Variants in PDE10A observed in about 807,000 individuals in gnomAD.
PDE10A encodes the protein cAMP and cAMP-inhibited cGMP 3',5'-cyclic phosphodiesterase 10A.
A neutral mutation model predicts 97.7 loss-of-function variants in PDE10A; 39 were observed. The observed-to-expected ratio is 0.40, with a 90% CI of 0.31 to 0.52. The LOEUF (loss-of-function observed/expected upper bound fraction) is 0.52, where lower values mean the gene tolerates loss of function less well. Ranked by LOEUF, PDE10A falls within the 20% of genes least tolerant of loss-of-function variation. PDE10A has a pLI of 0.56. For missense variants in PDE10A, 731 were observed against 1,047.8 expected (o/e 0.70, Z 4.17); for synonymous variants, 371 against 376.8 (o/e 0.98, Z 0.18).
chr6:165,471,176 G>C (rs1778979111), intron 3 of PDE10A, among the ~76,000 whole-genome samples: 1 of 152,022 alleles, frequency 6.6e-6, no homozygotes, highest in Admixed American at 6.5e-5. Flanking sequence ...ATAGTTGATT[G>C]CTCTATTTTA....
chr6:165,662,933 G>C lies in PDE10A; in HGVS notation c.-122C>G, dbSNP rs1790366867. 6.6e-6 allele frequency among the ~76,000 whole-genome samples: 1 copy of C among 151,190 alleles called. No homozygotes were observed. The highest frequency in any genetic ancestry group is 1.5e-5 in the Non-Finnish European group (1 of 67,698). ...CTGCCGGCCGCCCGAACCGCTGCCT[G>C]GTCCTCCTCTCCGGTCTTCGGCTTC... On this transcript the variant is annotated 5_prime_UTR_variant, in exon 1 of 22. Coordinates refer to ENST00000539869, the MANE Select transcript of PDE10A (RefSeq NM_001385079.1).
At chr6:165,484,689 C>T (rs919282766) in intron 2 of PDE10A, among the ~76,000 whole-genome samples, 1 of 152,218 alleles carries the variant, frequency 6.6e-6, no homozygotes, top group Non-Finnish European at 1.5e-5. Flanking sequence ...GGGCAAGTGA[C>T]AAGCTGCATC....
intron 3 of PDE10A, among the ~76,000 whole-genome samples, chr6:165,480,189 T>C (rs1216394372): frequency 6.6e-6 from 1 of 152,200 alleles, no homozygotes; most frequent in Non-Finnish European, 1.5e-5. Context: ...ACATAATCCC[T>C]ATACTCAAAG....
chr6:165,417,552 G>A (rs190549280), intron 11 of PDE10A, among the ~76,000 whole-genome samples: 24 of 152,210 alleles, frequency 1.6e-4, no homozygotes, highest in Non-Finnish European at 1.0e-4. Context: ...AACAGTGTTA[G>A]GAAACACTCA....
At chr6:165,475,031 C>A (rs1023807475) in intron 3 of PDE10A, among the ~76,000 whole-genome samples, 7 of 152,166 alleles carry the variant, frequency 4.6e-5, no homozygotes, top group African/African-American at 1.4e-4. Context: ...TGCTACTCCA[C>A]ACATCTGCCA....
intron 1 of PDE10A, among the ~76,000 whole-genome samples, chr6:165,672,573 C>A (rs1035262577): frequency 1.3e-5 from 2 of 152,152 alleles, no homozygotes; most frequent in Admixed American, 1.3e-4. Flanking sequence ...TGGGAGCCAC[C>A]CAGTGGGAGA....
chr6:165,978,114 C>A (rs1316030625), intron 1 of PDE10A, among the ~76,000 whole-genome samples: 1 of 152,146 alleles, frequency 6.6e-6, no homozygotes, highest in Non-Finnish European at 1.5e-5. Flanking sequence ...CACAGGAAGC[C>A]TTCTGGAATG....
At chr6:165,341,141 G>A (rs1162677427) in intron 19 of PDE10A, among the ~76,000 whole-genome samples, 1 of 152,136 alleles carries the variant, frequency 6.6e-6, no homozygotes, top group South Asian at 2.1e-4. Context: ...AGAAGAGACA[G>A]GACTTTATAG....
intron 1 of PDE10A, chr6:165,949,198 G>C (rs1783874352): frequency 6.6e-6 from 1 of 152,186 alleles, no homozygotes; most frequent in Non-Finnish European, 1.5e-5. Context: ...TAAACATCAC[G>C]ATTAAGCCAT....
Position 165,395,195 on chromosome 6 carries a change from G to T in PDE10A, c.2289C>A (p.Ser763=), listed in dbSNP as rs61733391. ...GTCATTCATACCAGGATGTCCCACA[G>T]GACCGATGAACCATGTAGACAAAAA... ...PGIFVYMVHR[S]CGTSCFELEK... Residue 763 remains serine (S), a synonymous_variant, in exon 15 of 22, where the codon TCC becomes TCA. Coordinates refer to ENST00000539869, the MANE Select transcript of PDE10A (RefSeq NM_001385079.1). The T allele has an allele frequency of 1.4e-3, 2,268 of 1,611,420 alleles. 23 individuals carry two copies. In the African/African-American group the frequency reaches 0.027, roughly 20 times the overall value.
intron 1 of PDE10A, among the ~76,000 whole-genome samples, chr6:165,543,816 T>C (rs1231420852): frequency 6.6e-6 from 1 of 150,452 alleles, no homozygotes; most frequent in African/African-American, 2.5e-5. Flanking sequence ...TGCCACTAAA[T>C]TGTACGCTTA....
At position 165,700,815 on chromosome 6, in the gene PDE10A, CT is replaced by C. The variant is rs370140489; in HGVS notation, c.-614-157248del. Among the ~76,000 whole-genome samples, 47 of 152,308 alleles carry C rather than the reference CT, an allele frequency of 3.1e-4. No homozygotes were observed. In the East Asian group the frequency reaches 4.8e-3, roughly 16 times the overall value. On this transcript the variant is annotated intron_variant, in intron 1 of 19. Coordinates refer to the PDE10A transcript ENST00000366882. Reference sequence around the variant, plus strand: ...AAGTTGACACTTAACATTTATGTGACTTTTTGTCTCAGATCTGGGATGAAGT... The same window carrying C: ...AAGTTGACACTTAACATTTATGTGACTTTTGTCTCAGATCTGGGATGAAGT...
intron 1 of PDE10A, among the ~76,000 whole-genome samples, chr6:165,771,071 G>A (rs1269918924): frequency 6.6e-6 from 1 of 152,164 alleles, no homozygotes; most frequent in Non-Finnish European, 1.5e-5. Context: ...GGCTTTCAGG[G>A]CAGAGCCCAT....
intron 1 of PDE10A, among the ~76,000 whole-genome samples, chr6:165,659,901 C>G (rs1006400181): frequency 3.3e-5 from 5 of 152,190 alleles, no homozygotes; most frequent in Non-Finnish European, 7.3e-5. Context: ...AACACACGAG[C>G]CAACAGCAGT....
At chr6:165,908,596 C>G (rs563243895) in intron 1 of PDE10A, among the ~76,000 whole-genome samples, 3 of 152,316 alleles carry the variant, frequency 2.0e-5, no homozygotes, top group East Asian at 3.9e-4. Context: ...CTAGTGAAGG[C>G]TGGAGGTGTC....
At chr6:165,476,400 TAA>T (rs1289183529) in intron 3 of PDE10A, among the ~76,000 whole-genome samples, 1 of 152,140 alleles carries the variant, frequency 6.6e-6, no homozygotes, top group African/African-American at 2.4e-5. Flanking sequence ...CCTTTAATTT[TAA>T]AAGAGTCATT....
chr6:165,361,453 G>A (rs1203827851), intron 18 of PDE10A, among the ~76,000 whole-genome samples: 1 of 152,290 alleles, frequency 6.6e-6, no homozygotes, highest in East Asian at 1.9e-4. Context: ...TATTATGCAC[G>A]AAATTGTGTC....
At chr6:165,451,661 C>T (rs1486519132) in intron 3 of PDE10A, among the ~76,000 whole-genome samples, 1 of 152,154 alleles carries the variant, frequency 6.6e-6, no homozygotes, top group Non-Finnish European at 1.5e-5. Context: ...TTCTTGAGCA[C>T]TATACTCAAT....
intron 2 of PDE10A, among the ~76,000 whole-genome samples, chr6:165,483,536 C>A (rs1779723487): frequency 6.6e-6 from 1 of 152,198 alleles, no homozygotes. Context: ...TCTCCTAAGC[C>A]TCTCTGAAGA....
Sources: allele counts gnomAD v4.1 joint callset (sites outside exome capture counted in the v4.1 genomes callset), GRCh38; gene constraint gnomAD v4.1.1; transcripts MANE v1.5; gene names NCBI Gene and HGNC (gene_info 2026-07-23, HGNC 2026-07-21).